Variants in SCN7A observed in about 807,000 individuals in gnomAD.
SCN7A encodes the protein sodium channel protein type 7 subunit alpha.
Under a neutral mutation model 155.2 loss-of-function variants are expected in SCN7A, and 138 were observed. That is an observed-to-expected ratio of 0.89 (90% CI 0.77 to 1.02). The LOEUF (loss-of-function observed/expected upper bound fraction) is 1.02. Ranked by LOEUF, SCN7A falls within the 50% of genes least tolerant of loss-of-function variation. The probability of loss-of-function intolerance (pLI) is 0.00; values close to 1 mark genes in which losing one functional copy is unlikely to be tolerated. For synonymous variants in SCN7A, 693 were observed against 649.0 expected (o/e 1.07, Z -1.03); for missense variants, 2,058 against 1,986.6 (o/e 1.04, Z -0.68).
At chr2:166,481,611 TTGA>T (rs1314527952) in intron 2 of SCN7A, among the ~76,000 whole-genome samples, 1 of 152,140 alleles carries the variant, frequency 6.6e-6, no homozygotes, top group Non-Finnish European at 1.5e-5. Context: ...TGTATCTGTG[TTGA>T]TAGAAGATGC....
At chr2:166,459,933 A>G (rs1220415300) in intron 10 of SCN7A, among the ~76,000 whole-genome samples, 1 of 152,116 alleles carries the variant, frequency 6.6e-6, no homozygotes, top group East Asian at 1.9e-4. Flanking sequence ...TAATGAGAAC[A>G]TATGGGCACA....
In SCN7A at chr2:166,472,364, G is replaced by A. The variant is rs770674511; in HGVS notation, c.525C>T (p.Phe175=). The change falls in exon 6 of 26, where the codon TTC becomes TTT. Residue 175 remains phenylalanine, a synonymous_variant. Transcript: ENST00000643258. ...CGAGCCAGTTCCATGGATCACCGAG[G>A]AAGGAAAATGATCCTGCCCAGACAC... ...ARGVWAGSFS[F]LGDPWNWLDF... The A allele has an allele frequency of 9.3e-6, 15 of 1,608,466 alleles. No individual in the cohort carries two copies. Among genetic ancestry groups the A allele is most frequent in the South Asian group, 1.1e-5 (1 of 90,406 alleles).
chr2:166,448,440 T>A (rs954568878), intron 11 of SCN7A, among the ~76,000 whole-genome samples: 9 of 152,308 alleles, frequency 5.9e-5, no homozygotes, highest in Admixed American at 6.5e-5. Flanking sequence ...TTCTTCAATA[T>A]GCTGACTTTC....
intron 11 of SCN7A, among the ~76,000 whole-genome samples, chr2:166,448,847 T>C (rs984012403): frequency 6.6e-6 from 1 of 152,218 alleles, no homozygotes; most frequent in African/African-American, 2.4e-5. Context: ...TTTAGGATAA[T>C]GTTAACTTTA....
At chr2:166,414,249 T>TATATAAATATATATATCTATATATGTAA (rs1177440570) in intron 21 of SCN7A, among the ~76,000 whole-genome samples, 34 of 66,486 alleles carry the variant, frequency 5.1e-4, no homozygotes, top group South Asian at 9.4e-4. Flanking sequence ...TATGTAAATA[T>TATATAAATATATATATCTATATATGTAA]ATATAGATAT....
Position 166,432,230 on chromosome 2 carries a change from C to G in SCN7A, c.2592+88G>C, listed in dbSNP as rs1023301275. On this transcript the variant is annotated intron_variant, in intron 16 of 25. Transcript: ENST00000643258. ...ATGGAGTTAGAATTGAGTGGATAAT[C>G]TGGCTGTGGAACTTCGGCGCTGATT... 3.1e-6 allele frequency: 3 copies of G among 972,994 alleles called. No homozygotes were observed. In the African/African-American group the frequency reaches 4.9e-5, roughly 16 times the overall value. The allele number at this position is 972,994 out of a possible 1,614,324, so 60.3% of individuals were successfully genotyped here.
At chr2:166,458,759 A>G (rs1004106003) in intron 10 of SCN7A, among the ~76,000 whole-genome samples, 3 of 152,192 alleles carry the variant, frequency 2.0e-5, no homozygotes, top group Non-Finnish European at 4.4e-5. Context: ...TCAATAGGCT[A>G]TACTATATAG....
At chr2:166,451,588 A>G (rs1702178150) in intron 11 of SCN7A, among the ~76,000 whole-genome samples, 1 of 152,188 alleles carries the variant, frequency 6.6e-6, no homozygotes, top group African/African-American at 2.4e-5. Context: ...ATATCTGACA[A>G]GTTTGTCATG....
At chr2:166,486,501 C>T (rs189719050) in intron 2 of SCN7A, among the ~76,000 whole-genome samples, 23 of 152,270 alleles carry the variant, frequency 1.5e-4, no homozygotes, top group African/African-American at 4.1e-4. Context: ...AGAGGATGAC[C>T]TCTGGTTAAC....
At chr2:166,466,113 A>G (rs1030532707) in intron 7 of SCN7A, 126 bp from the exon 8 acceptor site, 1 of 666,352 alleles carries the variant, frequency 1.5e-6, no homozygotes, top group East Asian at 2.7e-5. Context: ...TGTAATTCTA[A>G]TTATTTGGGC....
chr2:166,415,915 AT>A (rs978656205), intron 21 of SCN7A, among the ~76,000 whole-genome samples: 1 of 152,038 alleles, frequency 6.6e-6, no homozygotes, highest in Non-Finnish European at 1.5e-5. Context: ...AAAGAGCCAT[AT>A]TTTTCTTCTT....
intron 7 of SCN7A, among the ~76,000 whole-genome samples, chr2:166,467,095 A>G (rs1702550751): frequency 6.6e-6 from 1 of 151,890 alleles, no homozygotes; most frequent in Non-Finnish European, 1.5e-5. Context: ...TTTTCAAAGT[A>G]TTATACTAGA....
chr2:166,463,485 T>C (rs1369995469), intron 9 of SCN7A, among the ~76,000 whole-genome samples: 1 of 152,176 alleles, frequency 6.6e-6, no homozygotes, highest in African/African-American at 2.4e-5. Flanking sequence ...TGTCTTGTTG[T>C]TTTGGGATAG....
chr2:166,480,318 C>A (rs1008404021), intron 2 of SCN7A, among the ~76,000 whole-genome samples: 3 of 151,848 alleles, frequency 2.0e-5, no homozygotes, highest in African/African-American at 4.8e-5. Context: ...ATTAGCCTGG[C>A]GTGGTGGCGG....
Position 166,404,221 on chromosome 2 carries a change from T to C in SCN7A, c.*1359A>G, listed in dbSNP as rs1574991649. 6.6e-6 allele frequency: 1 copy of C among 151,978 alleles called. No individual in the cohort carries two copies. The highest frequency in any genetic ancestry group is 6.6e-5 in the Admixed American group (1 of 15,228). The allele number at this position is 151,978 out of a possible 1,614,324, so 9.4% of individuals were successfully genotyped here. A position where few individuals can be genotyped will look rare whatever the true frequency, so the allele number is the denominator to read the frequency against. Reference sequence around the variant, plus strand: ...GAAATCAATCTTCATAAAGTTGGAATAACTCTCAGAATCTCAAACTACATA... The same window carrying C: ...GAAATCAATCTTCATAAAGTTGGAACAACTCTCAGAATCTCAAACTACATA... On this transcript the variant is annotated 3_prime_UTR_variant, in exon 26 of 26. Transcript: ENST00000643258.
At chr2:166,439,055 G>GTGTGTATATATATATATATATATATA (rs375208870) in intron 15 of SCN7A, among the ~76,000 whole-genome samples, 47 of 113,386 alleles carry the variant, frequency 4.1e-4, no homozygotes, top group Non-Finnish European at 6.2e-4. Flanking sequence ...GTGTGTGTGT[G>GTGTGTATATATATATATATATATATA]TATATATATA....
Position 166,441,740 on chromosome 2 carries a change from T to C in SCN7A, c.1813A>G (p.Lys605Glu), listed in dbSNP as rs1050843578. The C allele has an allele frequency of 1.9e-6, 3 of 1,598,784 alleles. No individual in the cohort carries two copies. The African/African-American group carries it at 4.1e-5, about 22-fold the overall frequency. The change falls in exon 15 of 26, where the codon AAG becomes GAG. Residue 605 changes from lysine to glutamate, a missense_variant. By Grantham distance (56) the Lys-to-Glu change is moderately conservative (BLOSUM62 1). Coordinates refer to ENST00000643258, the MANE Select transcript of SCN7A (RefSeq NM_002976.4). Reference sequence around the variant, plus strand: ...AATGTTGGCCAATACTTTCCCAACTTGAAAATTCTTAACTAATAGAGCAAT... The same window carrying C: ...AATGTTGGCCAATACTTTCCCAACTCGAAAATTCTTAACTAATAGAGCAAT... ...LRLFRMLRIFKLGKYWPTFQI... is the reference protein window; with the variant it reads ...LRLFRMLRIFELGKYWPTFQI...
intron 15 of SCN7A, among the ~76,000 whole-genome samples, chr2:166,437,409 A>C (rs531880903): frequency 6.6e-6 from 1 of 152,316 alleles, no homozygotes; most frequent in Admixed American, 6.5e-5. Flanking sequence ...TCCAGGCAGA[A>C]GTTTGCTACA....
At position 166,443,871 on chromosome 2, in the gene SCN7A, C is replaced by G. The variant is rs867520232; in HGVS notation, c.1627-195G>C. Among the ~76,000 whole-genome samples, 12 of 152,140 alleles carry G rather than the reference C, an allele frequency of 7.9e-5. 1 individual carries two copies. Among genetic ancestry groups the G allele is most frequent in the South Asian group, 6.2e-4 (3 of 4,834 alleles). On this transcript the variant is annotated intron_variant, in intron 13 of 25. Coordinates refer to ENST00000643258, the MANE Select transcript of SCN7A (RefSeq NM_002976.4). ...TACATTTTATTTAACAATCTAATGT[C>G]AAACACTATATACAGAATCTTTTAT...
Sources: gnomAD v4.1 joint callset for allele counts (sites outside exome capture counted in the v4.1 genomes callset) on GRCh38, gnomAD v4.1.1 for gene constraint, MANE v1.5 for transcripts, NCBI Gene and HGNC (gene_info 2026-07-23, HGNC 2026-07-21) for gene names.